The following CFAP54 variants were observed in gnomAD, a reference collection of about 807,000 sequenced individuals.
CFAP54 encodes the protein cilia- and flagella-associated protein 54.
Under a neutral mutation model 370.4 loss-of-function variants are expected in CFAP54, and 290 were observed. The ratio of observed to expected loss-of-function variants is 0.78; its 90% CI spans 0.71 to 0.86. The LOEUF (loss-of-function observed/expected upper bound fraction) is 0.86. CFAP54 is among the 40% of genes least tolerant of loss of function. The probability of loss-of-function intolerance (pLI) is 0.00; values close to 1 mark genes in which losing one functional copy is unlikely to be tolerated. For missense variants in CFAP54, 3,399 were observed against 3,528.7 expected (o/e 0.96, Z 0.93); for synonymous variants, 1,206 against 1,236.5 (o/e 0.98, Z 0.52).
At chr12:96,843,008 A>G (rs1351482197) in intron 66 of CFAP54, among the ~76,000 whole-genome samples, 1 of 152,362 alleles carries the variant, frequency 6.6e-6, no homozygotes, top group Non-Finnish European at 1.5e-5. Context: ...TGAATAAAGA[A>G]GTCAGCATGA....
In CFAP54 at chr12:96,527,462, A is replaced by G. The variant is rs994959712; in HGVS notation, c.1357+18A>G. 1.4e-6 allele frequency: 2 copies of G among 1,479,194 alleles called. No individual in the cohort carries two copies. The highest frequency in any genetic ancestry group is 1.8e-6 in the Non-Finnish European group (2 of 1,112,348). 91.6% of individuals were successfully genotyped at this position (1,479,194 alleles called of 1,614,324 possible). A position where few individuals can be genotyped will look rare whatever the true frequency, so the allele number is the denominator to read the frequency against. ...TTTGATAAGTAAATAAGATGTTAAG[A>G]TATTGTTTTATGATAGAATGATACA... On this transcript the variant is annotated intron_variant, in intron 9 of 67. Transcript: ENST00000524981.
chr12:96,724,508 T>G (rs545778492), intron 50 of CFAP54, among the ~76,000 whole-genome samples: 1 of 152,146 alleles, frequency 6.6e-6, no homozygotes, highest in African/African-American at 2.4e-5. Context: ...CCTTTGCCCA[T>G]TTTTGATGGG....
chr12:96,651,561 A>G (rs1452460732), intron 35 of CFAP54, 27 bp from the exon 36 acceptor site: 1 of 1,582,334 alleles, frequency 6.3e-7, no homozygotes, highest in African/African-American at 1.4e-5. Context: ...GAACTTTGGG[A>G]TCTTTTAAAT....
At chr12:96,756,969 A>C (rs1448724843) in intron 57 of CFAP54, among the ~76,000 whole-genome samples, 1 of 152,166 alleles carries the variant, frequency 6.6e-6, no homozygotes, top group African/African-American at 2.4e-5. Context: ...TATCACCTCA[A>C]TATTGAGTAA....
At chr12:96,758,967 A>G (rs775591028) in intron 58 of CFAP54, among the ~76,000 whole-genome samples, 1 of 152,198 alleles carries the variant, frequency 6.6e-6, no homozygotes, top group Non-Finnish European at 1.5e-5. Context: ...TTTGAGGTAT[A>G]TGAACCCAGT....
chr12:96,576,435 G>T, intron 19 of CFAP54, 150 bp from the exon 20 acceptor site: 1 of 517,698 alleles, frequency 1.9e-6, no homozygotes, highest in East Asian at 3.3e-5. Context: ...TCATTAAATA[G>T]TTGAAATATA....
intron 65 of CFAP54, among the ~76,000 whole-genome samples, chr12:96,821,018 T>TAGA (rs1959026433): frequency 6.6e-6 from 1 of 152,138 alleles, no homozygotes; most frequent in African/African-American, 2.4e-5. Flanking sequence ...AATGAGCATC[T>TAGA]GTTAGAGTAA....
intron 44 of CFAP54, among the ~76,000 whole-genome samples, chr12:96,692,017 A>G (rs756227716): frequency 4.8e-5 from 7 of 146,980 alleles, no homozygotes; most frequent in African/African-American, 1.3e-4. Flanking sequence ...CTTTACATCT[A>G]TTCTTTCTCC....
intron 39 of CFAP54, among the ~76,000 whole-genome samples, chr12:96,664,688 G>A (rs1376740628): frequency 3.4e-5 from 3 of 88,868 alleles, no homozygotes; most frequent in African/African-American, 5.2e-5. Context: ...TATTCCTTTG[G>A]GTATATATCT....
intron 50 of CFAP54, among the ~76,000 whole-genome samples, chr12:96,738,330 G>A (rs534053581): frequency 6.6e-6 from 1 of 152,250 alleles, no homozygotes; most frequent in African/African-American, 2.4e-5. Flanking sequence ...TCCTAAGACT[G>A]TTGTAGCAAA....
rs765468169 is a variant in CFAP54, at chr12:96,630,181, G to A, written c.4192G>A (p.Ala1398Thr). The A allele has an allele frequency of 2.0e-6, 3 of 1,495,896 alleles. No homozygotes were observed. The South Asian group carries it at 3.7e-5, about 18-fold the overall frequency. 92.7% of individuals were successfully genotyped at this position (1,495,896 alleles called of 1,614,324 possible). Residue 1398 changes from alanine (A) to threonine (T), a missense_variant, in exon 31 of 68, where the codon GCT (alanine) becomes ACT (threonine). By Grantham distance (58) the Ala-to-Thr change is moderately conservative. Around this residue, in one of 3 missense-constraint regions of CFAP54, gnomAD observed 2,796 missense variants for 2,869.7 expected, o/e 0.97. Coordinates refer to ENST00000524981, the MANE Select transcript of CFAP54 (RefSeq NM_001306084.2). The stretch of plus-strand genomic sequence containing the variant: ...AGCAAACAAATCTTTAAAGTTCAAA[G>A]CTGCAGTAATGGAAATTGGAAGAGT... ...KKANKSLKFKAAVMEIGRSAE... is the reference protein window; with the variant it reads ...KKANKSLKFKTAVMEIGRSAE...
At position 96,640,821 on chromosome 12, in the gene CFAP54, G is replaced by A. The variant is rs368651552; in HGVS notation, c.4317-3357G>A. Among the ~76,000 whole-genome samples the A allele has an allele frequency of 1.6e-4, 24 of 152,184 alleles. No individual in the cohort carries two copies. In the South Asian group the frequency reaches 1.9e-3, roughly 12 times the overall value. ...GACAAACCTGAGAAAAACAAGCAAT[G>A]GGGAAAGGATTCCCTATTTAATAAA... On this transcript the variant is annotated intron_variant, in intron 32 of 67. Transcript: ENST00000524981.
At chr12:96,836,350 A>T (rs1959186194) in intron 66 of CFAP54, among the ~76,000 whole-genome samples, 1 of 152,194 alleles carries the variant, frequency 6.6e-6, no homozygotes, top group Admixed American at 6.5e-5. Context: ...GAAATGTAAA[A>T]GTCATAAATT....
intron 15 of CFAP54, among the ~76,000 whole-genome samples, chr12:96,548,720 G>A (rs565139095): frequency 6.6e-6 from 1 of 152,240 alleles, no homozygotes; most frequent in East Asian, 1.9e-4. Flanking sequence ...AGATTGAGGT[G>A]GCATAATAGC....
rs1310457559 is a variant in CFAP54, at chr12:96,630,286, T to C, written c.4215+82T>C. 5 of 696,558 alleles carry C rather than the reference T, an allele frequency of 7.2e-6. No individual in the cohort carries two copies. The Admixed American group carries it at 1.6e-4, about 22-fold the overall frequency. 43.1% of individuals were successfully genotyped at this position (696,558 alleles called of 1,614,324 possible). On this transcript the variant is annotated intron_variant, in intron 31 of 67. Transcript: ENST00000524981. ...TAGAGATGATTGGCTACATTTAAAC[T>C]CATTATAATATGAAACAGAAGGATA...
intron 36 of CFAP54, among the ~76,000 whole-genome samples, chr12:96,654,317 C>T (rs1185005334): frequency 6.6e-6 from 1 of 152,044 alleles, no homozygotes; most frequent in African/African-American, 2.4e-5. Flanking sequence ...CTGGCTAACT[C>T]GGTGAAACCC....
At chr12:96,742,937 C>T (rs1248071165) in intron 52 of CFAP54, among the ~76,000 whole-genome samples, 1 of 152,180 alleles carries the variant, frequency 6.6e-6, no homozygotes, top group East Asian at 1.9e-4. Flanking sequence ...TACTTCCTTG[C>T]CAAGCCTTTC....
chr12:96,718,486 A>G lies in CFAP54; in HGVS notation c.6768A>G (p.Thr2256=). ...KDDGSSFYNL[T]KLKDEITLSM... The stretch of plus-strand genomic sequence containing the variant: ...ATGGAAGTTCATTTTATAATCTTAC[A>G]AAACTTAAAGATGAGATCACTCTTA... Residue 2256 remains threonine (T), a synonymous_variant, in exon 49 of 68, where the codon ACA becomes ACG. Coordinates refer to ENST00000524981, the MANE Select transcript of CFAP54 (RefSeq NM_001306084.2). The G allele has an allele frequency of 1.3e-6, 2 of 1,581,710 alleles. No individual in the cohort carries two copies. Among genetic ancestry groups the G allele is most frequent in the Non-Finnish European group, 1.7e-6 (2 of 1,151,624 alleles).
At chr12:96,605,331 G>A (rs1956289301) in intron 26 of CFAP54, among the ~76,000 whole-genome samples, 1 of 152,158 alleles carries the variant, frequency 6.6e-6, no homozygotes, top group African/African-American at 2.4e-5. Context: ...CAAACAGCTG[G>A]ATTATAAGTG....
Sources: allele counts gnomAD v4.1 joint callset (sites outside exome capture counted in the v4.1 genomes callset), GRCh38; gene constraint gnomAD v4.1.1; regional missense constraint gnomAD v4.1.1; transcripts MANE v1.5; gene names NCBI Gene and HGNC (gene_info 2026-07-23, HGNC 2026-07-21).